PIEZO2: variants seen among roughly 807,000 people sequenced by gnomAD.
PIEZO2 encodes the protein piezo type mechanosensitive ion channel component 2.
Under a neutral mutation model 337.3 loss-of-function variants are expected in PIEZO2, and 172 were observed. That is an observed-to-expected ratio of 0.51 (90% CI 0.45 to 0.58). The LOEUF (loss-of-function observed/expected upper bound fraction) is 0.58. PIEZO2 is among the 20% of genes least tolerant of loss of function. The probability of loss-of-function intolerance (pLI) is 0.00; values close to 1 mark genes in which losing one functional copy is unlikely to be tolerated. For synonymous variants in PIEZO2, 1,251 were observed against 1,228.5 expected (o/e 1.02, Z -0.38); for missense variants, 3,028 against 3,391.3 (o/e 0.89, Z 2.66).
In PIEZO2 at chr18:11,096,609, A is replaced by G. The variant is rs1408601698; in HGVS notation, c.65-30387T>C. On this transcript the variant is annotated intron_variant, in intron 1 of 55. Coordinates refer to ENST00000674853, the MANE Select transcript of PIEZO2 (RefSeq NM_001378183.1). This position sits in a 1 kb window ranked among gnomAD's most constrained non-coding sequence, Gnocchi z 4.6. ...GAAGTGGTTGACCTTTAAATTTCTCAGATTTATGGCTTATTTCCTGCCCTT... is the reference window on the plus strand; with the variant it reads ...GAAGTGGTTGACCTTTAAATTTCTCGGATTTATGGCTTATTTCCTGCCCTT... 2.0e-5 allele frequency among the ~76,000 whole-genome samples: 3 copies of G among 152,162 alleles called. No homozygotes were observed. Among genetic ancestry groups the G allele is most frequent in the Non-Finnish European group, 4.4e-5 (3 of 68,036 alleles).
At chr18:10,960,556 C>CTT (rs5823126) in intron 3 of PIEZO2, among the ~76,000 whole-genome samples, 1 of 146,006 alleles carries the variant, frequency 6.8e-6, no homozygotes, top group Admixed American at 6.9e-5. Flanking sequence ...GCCACAAAGA[C>CTT]TTTTTTTTTT....
At chr18:10,875,620 C>T (rs576403091) in intron 4 of PIEZO2, among the ~76,000 whole-genome samples, 88 of 152,204 alleles carry the variant, frequency 5.8e-4, no homozygotes, top group Non-Finnish European at 1.0e-3. Context: ...AAGCACCATC[C>T]AAGTACAGTC....
rs907576491 is a variant in PIEZO2 at position 10,862,355 on chromosome 18, A to G, written c.493-5144T>C. Reference sequence around the variant, plus strand: ...CTTTAGGTGCTATGGAATCAACTTTACACAAGGCCAGCCTGTTCTCTGTTA... The same window carrying G: ...CTTTAGGTGCTATGGAATCAACTTTGCACAAGGCCAGCCTGTTCTCTGTTA... On this transcript the variant is annotated intron_variant, in intron 5 of 55. Coordinates refer to ENST00000674853, the MANE Select transcript of PIEZO2 (RefSeq NM_001378183.1). This position sits in a 1 kb window ranked among gnomAD's most constrained non-coding sequence, Gnocchi z 4.4. 9.9e-5 allele frequency among the ~76,000 whole-genome samples: 15 copies of G among 152,202 alleles called. No homozygotes were observed. The highest frequency in any genetic ancestry group is 3.4e-4 in the African/African-American group (14 of 41,456).
chr18:10,926,691 C>T (rs1021025533), intron 3 of PIEZO2, among the ~76,000 whole-genome samples: 2 of 152,112 alleles, frequency 1.3e-5, no homozygotes, highest in African/African-American at 4.8e-5. Context: ...ATGTCCGGGC[C>T]ATTTTCTGCA....
At chr18:10,983,938 G>T (rs1185270627) in intron 2 of PIEZO2, among the ~76,000 whole-genome samples, 1 of 152,112 alleles carries the variant, frequency 6.6e-6, no homozygotes, top group African/African-American at 2.4e-5. Flanking sequence ...GTTGGATAGA[G>T]AGAAGGCACA....
intron 18 of PIEZO2, among the ~76,000 whole-genome samples, chr18:10,777,888 A>G (rs1246929399): frequency 6.6e-6 from 1 of 152,228 alleles, no homozygotes; most frequent in Non-Finnish European, 1.5e-5. Context: ...ACATATAGGC[A>G]CTTGGTTTGT....
intron 30 of PIEZO2, among the ~76,000 whole-genome samples, chr18:10,745,251 G>C (rs980270980): frequency 6.6e-6 from 1 of 152,102 alleles, no homozygotes; most frequent in Non-Finnish European, 1.5e-5. Flanking sequence ...TGGGGGACAC[G>C]AAATTCCTGC....
chr18:10,811,490 A>C (rs1026638896), intron 7 of PIEZO2, among the ~76,000 whole-genome samples: 4 of 152,176 alleles, frequency 2.6e-5, no homozygotes, highest in Admixed American at 1.3e-4. Context: ...GTAGGAGCAG[A>C]GATTAACAGA....
In PIEZO2 at chr18:10,978,585, T is replaced by C. The variant is rs373974690; in HGVS notation, c.286+950A>G. On this transcript the variant is annotated intron_variant, in intron 3 of 55. Transcript: ENST00000674853. ...AGTGAGGGATAATAGTTTATGTATA[T>C]AAATTTTACTAAAGGATTCCTCACT... 3.3e-5 allele frequency among the ~76,000 whole-genome samples: 5 copies of C among 152,188 alleles called. No individual in the cohort carries two copies. In the East Asian group the frequency reaches 9.6e-4, roughly 29 times the overall value.
rs762281198 is a variant in PIEZO2, at chr18:10,855,488, C to T, written c.782G>A (p.Arg261Gln). 2.7e-5 allele frequency: 41 copies of T among 1,536,874 alleles called. No homozygotes were observed. The highest frequency in any genetic ancestry group is 9.8e-5 in the East Asian group (4 of 40,924). ...LGLCTWWSWC[R>Q]TFDPLLFSCL... is the part of the protein sequence containing the mutation. ...GCTGAACAGCAATGGGTCGAACGTC[C>T]GGCACCAGGACCACCAGGTGCACAG... Residue 261 changes from arginine to glutamine, a missense_variant, in exon 7 of 56, where the codon CGG becomes CAG. Around this residue, in one of 5 missense-constraint regions of PIEZO2, gnomAD observed 542 missense variants for 605.6 expected, o/e 0.89. Coordinates refer to ENST00000674853, the MANE Select transcript of PIEZO2 (RefSeq NM_001378183.1). The surrounding 1 kb of genome is among the most constrained non-coding windows in gnomAD (Gnocchi z 4.9).
chr18:10,801,256 A>G, intron 10 of PIEZO2, 134 bp downstream of exon 10: 1 of 683,180 alleles, frequency 1.5e-6, no homozygotes, highest in East Asian at 2.8e-5. Flanking sequence ...TACCAGATAT[A>G]ATTTATGCCC....
chr18:11,148,566 C>A lies in PIEZO2; in HGVS notation c.23G>T (p.Gly8Val). 1 of 1,537,190 alleles carries A rather than the reference C, an allele frequency of 6.5e-7. No homozygotes were observed. The highest frequency in any genetic ancestry group is 8.7e-7 in the Non-Finnish European group (1 of 1,146,910). Residue 8 changes from glycine to valine, a missense_variant, in exon 1 of 56, where the codon GGG becomes GTG. Around this residue, in one of 5 missense-constraint regions of PIEZO2, gnomAD observed 542 missense variants for 605.6 expected, o/e 0.89. Transcript: ENST00000674853. The surrounding 1 kb of genome is among the most constrained non-coding windows in gnomAD (Gnocchi z 5.2). MASEVVC[G>V]LIFRLLLPIC... ...GGGCAGCAGCAGCCTGAAGATGAGC[C>A]CGCACACCACTTCTGAGGCCATCGC...
At chr18:10,797,141 CCAT>C (rs1395586312) in intron 12 of PIEZO2, among the ~76,000 whole-genome samples, 2 of 151,722 alleles carry the variant, frequency 1.3e-5, no homozygotes, top group Non-Finnish European at 2.9e-5. Context: ...AGCACACATA[CCAT>C]CATATCATAT....
intron 1 of PIEZO2, among the ~76,000 whole-genome samples, chr18:11,139,134 A>G (rs949662510): frequency 6.6e-6 from 1 of 152,164 alleles, no homozygotes; most frequent in African/African-American, 2.4e-5. Context: ...AGCACTCTAT[A>G]AGCACTGACA....
At chr18:10,806,183 G>T (rs73386638) in intron 8 of PIEZO2, among the ~76,000 whole-genome samples, 2 of 152,130 alleles carry the variant, frequency 1.3e-5, no homozygotes, top group Non-Finnish European at 2.9e-5. Flanking sequence ...GAAGTGATTC[G>T]GAGGAGGGGG....
intron 36 of PIEZO2, among the ~76,000 whole-genome samples, chr18:10,721,767 G>A (rs1417621709): frequency 6.6e-6 from 1 of 152,114 alleles, no homozygotes; most frequent in Admixed American, 6.6e-5. Flanking sequence ...TTTAAATCCA[G>A]TAGGAAAAGG....
At chr18:10,790,105 C>T (rs76455754) in intron 14 of PIEZO2, among the ~76,000 whole-genome samples, 2,533 of 152,124 alleles carry the variant, frequency 0.017, 74 homozygotes, top group African/African-American at 0.058. Context: ...TCAAATTAAC[C>T]ATTTTTTACC....
At chr18:11,054,785 G>A (rs955196820) in intron 2 of PIEZO2, among the ~76,000 whole-genome samples, 1 of 152,166 alleles carries the variant, frequency 6.6e-6, no homozygotes, top group Non-Finnish European at 1.5e-5. Context: ...AGTTGGATAC[G>A]GTTGAGAGAA....
In PIEZO2 at chr18:10,899,354, C is replaced by A. The variant is rs1266878580; in HGVS notation, c.329+11832G>T. 6.6e-6 allele frequency among the ~76,000 whole-genome samples: 1 copy of A among 152,140 alleles called. No homozygotes were observed. Among genetic ancestry groups the A allele is most frequent in the Non-Finnish European group, 1.5e-5 (1 of 68,020 alleles). ...AAGAATCAGGAAGAAACTGTTTTCA[C>A]TTTATCTAGGATAATGTATTTCCAA... On this transcript the variant is annotated intron_variant, in intron 4 of 55. Transcript: ENST00000674853. This position sits in a 1 kb window ranked among gnomAD's most constrained non-coding sequence, Gnocchi z 4.6.
Sources: allele counts gnomAD v4.1 joint callset (sites outside exome capture counted in the v4.1 genomes callset), GRCh38; gene constraint gnomAD v4.1.1; regional missense constraint gnomAD v4.1.1; non-coding constraint Gnocchi (gnomAD v3.1); transcripts MANE v1.5; gene names NCBI Gene and HGNC (gene_info 2026-07-23, HGNC 2026-07-21).